Variants in ENTPD5 observed in about 807,000 individuals in gnomAD.
ENTPD5 encodes the protein nucleoside diphosphate phosphatase ENTPD5.
A neutral mutation model predicts 60.2 loss-of-function variants in ENTPD5; 49 were observed. The ratio of observed to expected loss-of-function variants is 0.81; its 90% CI spans 0.65 to 1.03. The LOEUF is 1.03. ENTPD5 is among the 50% of genes least tolerant of loss of function. The pLI is 0.00. For missense variants in ENTPD5, 480 were observed against 507.6 expected (o/e 0.95, Z 0.52); for synonymous variants, 187 against 185.4 (o/e 1.01, Z -0.07).
intron 3 of ENTPD5, chr14:74,009,113 G>C (rs2058767122): frequency 6.6e-6 from 1 of 152,290 alleles, no homozygotes; most frequent in African/African-American, 2.4e-5. Flanking sequence ...ATCACTTGGA[G>C]GAAAGCTGTT....
chr14:74,004,675 G>A (rs997886622), intron 3 of ENTPD5, among the ~76,000 whole-genome samples: 5 of 152,004 alleles, frequency 3.3e-5, no homozygotes, highest in African/African-American at 9.7e-5. Context: ...GTAGCTCCCC[G>A]TGTAGATCCT....
At chr14:73,975,104 G>A in intron 10 of ENTPD5, 119 bp from the exon 11 acceptor site, 1 of 781,718 alleles carries the variant, frequency 1.3e-6, no homozygotes. Flanking sequence ...ACCTTGTTCT[G>A]TCTGTGACAT....
At chr14:74,001,582 C>T (rs1178857535) in intron 3 of ENTPD5, among the ~76,000 whole-genome samples, 4 of 143,730 alleles carry the variant, frequency 2.8e-5, no homozygotes, top group African/African-American at 1.0e-4. Context: ...GCAGGAGAAT[C>T]GCTTGAACCT....
chr14:73,997,800 G>T (rs1267899217), intron 3 of ENTPD5, among the ~76,000 whole-genome samples: 1 of 152,108 alleles, frequency 6.6e-6, no homozygotes, highest in Non-Finnish European at 1.5e-5. Context: ...CCAAAGACAG[G>T]TATTAATATT....
At chr14:74,017,069 A>G (rs2059035195) in intron 1 of ENTPD5, among the ~76,000 whole-genome samples, 1 of 152,246 alleles carries the variant, frequency 6.6e-6, no homozygotes, top group African/African-American at 2.4e-5. Flanking sequence ...CTGTAATCCC[A>G]GTACTTTGGT....
At chr14:73,959,724 C>A, downstream of ENTPD5, 4 of 1,159,056 alleles carry the variant, frequency 3.5e-6, no homozygotes, top group South Asian at 4.7e-5. Flanking sequence ...CACGTGCCAC[C>A]ATGCCCAGCT....
At chr14:73,974,020 G>A in intron 11 of ENTPD5, 42 bp from the exon 12 acceptor site, 1 of 1,559,042 alleles carries the variant, frequency 6.4e-7, no homozygotes, top group South Asian at 1.1e-5. Context: ...AAGTAAGTGA[G>A]AGAGAGGGAG....
At chr14:73,958,623 T>A, downstream of ENTPD5, 1 of 1,288,326 alleles carries the variant, frequency 7.8e-7, no homozygotes, top group Non-Finnish European at 9.9e-7. Flanking sequence ...AAGCTTCCCT[T>A]TTTGCATGGT....
In ENTPD5 at chr14:73,975,923, T is replaced by A; in HGVS notation, c.722+13A>T. ...CAACATGAAATATTCTTCTTCCCTG[T>A]CCCCGTCCTCACCTATGTGTATAGA... On this transcript the variant is annotated intron_variant, in intron 10 of 15. Transcript: ENST00000334696. 6.3e-7 allele frequency: 1 copy of A among 1,577,664 alleles called. No individual in the cohort carries two copies.
chr14:73,961,777 G>A (rs368151590), downstream of ENTPD5: 20 of 1,614,150 alleles, frequency 1.2e-5, no homozygotes, highest in East Asian at 4.2e-4. Context: ...CAGAAAGACA[G>A]CGTCACAACA....
At chr14:73,975,818 G>A (rs1181132555) in intron 10 of ENTPD5, 118 bp downstream of exon 10, 2 of 826,330 alleles carry the variant, frequency 2.4e-6, no homozygotes, top group African/African-American at 1.7e-5. Flanking sequence ...TAGGCCTTAG[G>A]GAATTGGCAC....
intron 3 of ENTPD5, among the ~76,000 whole-genome samples, chr14:73,994,981 T>G (rs2140724707): frequency 6.6e-6 from 1 of 152,156 alleles, no homozygotes; most frequent in African/African-American, 2.4e-5. Context: ...TTTACTTTTG[T>G]TTATTTTCAT....
At chr14:73,986,708 C>G in intron 5 of ENTPD5, 106 bp downstream of exon 5, 1 of 799,828 alleles carries the variant, frequency 1.3e-6, no homozygotes, top group East Asian at 2.4e-5. Flanking sequence ...TGATCTCACA[C>G]ATGATCTCAA....
intron 1 of ENTPD5, among the ~76,000 whole-genome samples, chr14:74,017,920 G>A (rs1478807412): frequency 6.7e-6 from 1 of 148,574 alleles, no homozygotes. Flanking sequence ...GGTGGCCCAC[G>A]CCTGTAATCT....
intron 14 of ENTPD5, among the ~76,000 whole-genome samples, chr14:73,971,096 G>T (rs1402800352): frequency 6.6e-6 from 1 of 150,758 alleles, no homozygotes; most frequent in Non-Finnish European, 1.5e-5. Context: ...ATTTAAAAAA[G>T]AAAGCAAGAA....
At chr14:73,978,714 C>A (rs1303353986) in intron 6 of ENTPD5, among the ~76,000 whole-genome samples, 1 of 151,908 alleles carries the variant, frequency 6.6e-6, no homozygotes, top group Non-Finnish European at 1.5e-5. Flanking sequence ...AGTTTGAGAC[C>A]AGCCTGACCA....
chr14:73,960,647 T>C, downstream of ENTPD5: 1 of 1,016,348 alleles, frequency 9.8e-7, no homozygotes, highest in South Asian at 3.2e-5. Context: ...CTGAGAACAG[T>C]CTCCGCTTTC....
intron 3 of ENTPD5, among the ~76,000 whole-genome samples, chr14:74,005,320 G>GT (rs143995266): frequency 0.093 from 12,778 of 136,684 alleles, 930 homozygotes; most frequent in Admixed American, 0.14. Context: ...TAAACCAGGC[G>GT]TGGTGGCTCA....
rs781776540 is a variant in ENTPD5, at chr14:73,983,059, GT to G, written c.399del (p.Arg134AlafsTer15). On this transcript the variant is annotated frameshift_variant, in exon 6 of 16. Coordinates refer to ENST00000334696, the MANE Select transcript of ENTPD5 (RefSeq NM_001249.5). LOFTEE classifies it high-confidence loss of function. ...TPVVLKATAG[L>X]RLLPEHKAKA... ...TTGGCTTTGTGTTCTGGCAGTAAGC[GT>G]AGTCCTGCTGTTGCCTTTAGGACCA... 6.2e-7 allele frequency: 1 copy of G among 1,614,024 alleles called. No individual in the cohort carries two copies. Among genetic ancestry groups the G allele is most frequent in the Non-Finnish European group, 8.5e-7 (1 of 1,180,022 alleles).
Sources: gnomAD v4.1 joint callset for allele counts (sites outside exome capture counted in the v4.1 genomes callset) on GRCh38, gnomAD v4.1.1 for gene constraint, MANE v1.5 for transcripts, NCBI Gene and HGNC (gene_info 2026-07-23, HGNC 2026-07-21) for gene names.